SHTN1: variants seen among roughly 807,000 people sequenced by gnomAD.
SHTN1 encodes shootin-1.
A neutral mutation model predicts 83.1 loss-of-function variants in SHTN1; 42 were observed. The ratio of observed to expected loss-of-function variants is 0.51; its 90% CI spans 0.39 to 0.65. The LOEUF (loss-of-function observed/expected upper bound fraction) is 0.65. Ranked by LOEUF, SHTN1 falls within the 30% of genes least tolerant of loss-of-function variation. The probability of loss-of-function intolerance (pLI) is 0.00; values close to 1 mark genes in which losing one functional copy is unlikely to be tolerated. For synonymous variants in SHTN1, 224 were observed against 247.7 expected (o/e 0.90, Z 0.90); for missense variants, 622 against 737.8 (o/e 0.84, Z 1.82).
At chr10:116,920,354 G>T (rs924941550) in intron 12 of SHTN1, among the ~76,000 whole-genome samples, 1 of 152,116 alleles carries the variant, frequency 6.6e-6, no homozygotes, top group African/African-American at 2.4e-5. Flanking sequence ...GCCATTTGCT[G>T]GCTCTGCTCA....
chr10:117,093,727 A>G (rs1564957186), intron 1 of SHTN1, among the ~76,000 whole-genome samples: 1 of 152,178 alleles, frequency 6.6e-6, no homozygotes. Flanking sequence ...TGGACAATGC[A>G]TTGGAACCAC....
At chr10:117,089,504 T>TA (rs1853398069) in intron 1 of SHTN1, among the ~76,000 whole-genome samples, 2 of 152,032 alleles carry the variant, frequency 1.3e-5, no homozygotes, top group Non-Finnish European at 2.9e-5. Flanking sequence ...AAAGACAACA[T>TA]AGAGCAAAAG....
chr10:116,931,774 A>G (rs1337927707), intron 9 of SHTN1, among the ~76,000 whole-genome samples: 1 of 152,242 alleles, frequency 6.6e-6, no homozygotes, highest in African/African-American at 2.4e-5. Context: ...ATATTTATAA[A>G]GGTATATATT....
chr10:117,085,115 A>G (rs1274330632), intron 1 of SHTN1, among the ~76,000 whole-genome samples: 1 of 151,900 alleles, frequency 6.6e-6, no homozygotes, highest in African/African-American at 2.4e-5. Context: ...GGTTTCATTG[A>G]TTTTCTCTAT....
At chr10:116,953,201 A>C (rs1483177480) in intron 5 of SHTN1, among the ~76,000 whole-genome samples, 1 of 152,180 alleles carries the variant, frequency 6.6e-6, no homozygotes, top group Non-Finnish European at 1.5e-5. Flanking sequence ...GCTTTCCTAC[A>C]TCTTTAAATA....
intron 1 of SHTN1, among the ~76,000 whole-genome samples, chr10:117,101,823 T>C (rs573637247): frequency 6.6e-6 from 1 of 152,176 alleles, no homozygotes; most frequent in Non-Finnish European, 1.5e-5. Flanking sequence ...CTGAATACTT[T>C]TGGACCACTT....
chr10:117,032,827 A>C (rs1483452506), intron 2 of SHTN1, among the ~76,000 whole-genome samples: 1 of 152,162 alleles, frequency 6.6e-6, no homozygotes, highest in African/African-American at 2.4e-5. Flanking sequence ...AAACTGAACT[A>C]ATGTCAAGCA....
intron 13 of SHTN1, among the ~76,000 whole-genome samples, chr10:116,915,156 C>G (rs1250578542): frequency 6.6e-6 from 1 of 152,176 alleles, no homozygotes; most frequent in African/African-American, 2.4e-5. Flanking sequence ...AATGAGACAA[C>G]AGCACCCCCA....
chr10:117,114,087 C>T (rs1311247573), intron 1 of SHTN1, among the ~76,000 whole-genome samples: 1 of 152,042 alleles, frequency 6.6e-6, no homozygotes, highest in Admixed American at 6.6e-5. Context: ...CAATGGTGTG[C>T]CCCTCCAGCT....
At chr10:116,960,355 T>G (rs934437873) in intron 3 of SHTN1, 125 bp from the exon 4 acceptor site, 1 of 562,200 alleles carries the variant, frequency 1.8e-6, no homozygotes, top group Admixed American at 3.1e-5. Flanking sequence ...TAGCTATCAC[T>G]GAAAAAAGGT....
At chr10:117,016,037 C>T (rs900839441) in intron 2 of SHTN1, among the ~76,000 whole-genome samples, 3 of 152,266 alleles carry the variant, frequency 2.0e-5, no homozygotes, top group African/African-American at 7.2e-5. Flanking sequence ...TTGAACCACA[C>T]ATTTAGATGT....
At chr10:116,907,531 T>G (rs1265055429) in intron 14 of SHTN1, among the ~76,000 whole-genome samples, 1 of 152,170 alleles carries the variant, frequency 6.6e-6, no homozygotes, top group Non-Finnish European at 1.5e-5. Context: ...CCGGGAAGTA[T>G]GTTACAGAGT....
At chr10:117,113,929 C>T (rs768149026) in intron 1 of SHTN1, among the ~76,000 whole-genome samples, 7 of 152,176 alleles carry the variant, frequency 4.6e-5, no homozygotes, top group Non-Finnish European at 1.0e-4. Context: ...CGCCTATAAT[C>T]CCAGCTGCTC....
intron 1 of SHTN1, among the ~76,000 whole-genome samples, chr10:117,119,363 C>G (rs758702879): frequency 7.9e-5 from 12 of 152,082 alleles, no homozygotes; most frequent in Non-Finnish European, 1.6e-4. Flanking sequence ...ATGGAATAAT[C>G]TGATTTTAAA....
chr10:116,921,992 A>G (rs1258859023), intron 11 of SHTN1, among the ~76,000 whole-genome samples: 1 of 152,116 alleles, frequency 6.6e-6, no homozygotes, highest in South Asian at 2.1e-4. Flanking sequence ...TATTTACATC[A>G]CTCTCTCTCT....
At chr10:117,104,158 T>A (rs1052366896) in intron 1 of SHTN1, among the ~76,000 whole-genome samples, 1 of 152,184 alleles carries the variant, frequency 6.6e-6, no homozygotes, top group Non-Finnish European at 1.5e-5. Context: ...CATTTTTTTT[T>A]AAGCATTTTC....
At chr10:116,911,446 T>C (rs751029089) in intron 14 of SHTN1, 1 of 1,545,076 alleles carries the variant, frequency 6.5e-7, no homozygotes, top group Non-Finnish European at 8.7e-7. Flanking sequence ...GCATTATTCA[T>C]CTATTATATT....
chr10:116,921,254 T>C (rs1848554724), intron 12 of SHTN1, among the ~76,000 whole-genome samples, 180 bp downstream of exon 12: 1 of 152,172 alleles, frequency 6.6e-6, no homozygotes, highest in African/African-American at 2.4e-5. Flanking sequence ...TGCGTGTTTA[T>C]CTCCTCTAGA....
intron 2 of SHTN1, among the ~76,000 whole-genome samples, chr10:117,016,198 T>C (rs369673682): frequency 1.3e-5 from 2 of 152,246 alleles, no homozygotes; most frequent in East Asian, 3.9e-4. Context: ...TGTAAAAGAA[T>C]AGCAAAACAT....
Sources: gnomAD v4.1 joint callset for allele counts (sites outside exome capture counted in the v4.1 genomes callset) on GRCh38, gnomAD v4.1.1 for gene constraint, MANE v1.5 for transcripts, NCBI Gene and HGNC (gene_info 2026-07-23, HGNC 2026-07-21) for gene names.